The following SKA3 variants were observed in gnomAD, a reference collection of about 807,000 sequenced individuals.
SKA3 encodes the protein spindle and kinetochore associated complex subunit 3.
A neutral mutation model predicts 44.2 loss-of-function variants in SKA3; 39 were observed. The observed-to-expected ratio is 0.88, with a 90% CI of 0.68 to 1.15. The LOEUF (loss-of-function observed/expected upper bound fraction) is 1.15, where lower values mean the gene tolerates loss of function less well. SKA3 is among the 50% of genes most tolerant of loss of function. SKA3 has a pLI of 0.00. For missense variants in SKA3, 511 were observed against 485.8 expected (o/e 1.05, Z -0.49); for synonymous variants, 192 against 172.0 (o/e 1.12, Z -0.91).
chr13:21,172,280 T>A (rs951596889), intron 3 of SKA3, 59 bp downstream of exon 3: 1 of 1,001,470 alleles, frequency 1.0e-6, no homozygotes, highest in African/African-American at 1.7e-5. Context: ...GTTGTCTTAA[T>A]CATGCTGCCT....
intron 3 of SKA3, among the ~76,000 whole-genome samples, chr13:21,169,765 C>T (rs1368876387): frequency 6.6e-6 from 1 of 151,842 alleles, no homozygotes; most frequent in South Asian, 2.1e-4. Flanking sequence ...GCCTCCCAGG[C>T]AGCTGGTACT....
At chr13:21,160,525 A>G (rs1377398051) in intron 5 of SKA3, among the ~76,000 whole-genome samples, 1 of 151,882 alleles carries the variant, frequency 6.6e-6, no homozygotes, top group Non-Finnish European at 1.5e-5. Context: ...ACAAAGAGAA[A>G]AGGTAAATAT....
intron 5 of SKA3, 122 bp downstream of exon 5, chr13:21,161,668 C>A: frequency 1.7e-6 from 1 of 580,774 alleles, no homozygotes; most frequent in Non-Finnish European, 2.8e-6. Flanking sequence ...TTAATGTAAT[C>A]CAATGTTAGG....
chr13:21,171,576 A>G (rs913876695), intron 3 of SKA3, among the ~76,000 whole-genome samples: 1 of 152,076 alleles, frequency 6.6e-6, no homozygotes, highest in Non-Finnish European at 1.5e-5. Context: ...AAAAAAAAAA[A>G]AAGAAATGAA....
chr13:21,158,186 T>G, intron 6 of SKA3, 61 bp from the exon 7 acceptor site: 2 of 984,790 alleles, frequency 2.0e-6, no homozygotes, highest in Non-Finnish European at 2.8e-6. Context: ...TAAATAAAAA[T>G]AGTTAATCAT....
chr13:21,167,471 C>T (rs950509375), intron 4 of SKA3, among the ~76,000 whole-genome samples: 11 of 152,038 alleles, frequency 7.2e-5, no homozygotes, highest in Admixed American at 5.9e-4. Flanking sequence ...AACCTTACCA[C>T]TAAAGAACTT....
chr13:21,172,275 C>T (rs1329339568), intron 3 of SKA3, 64 bp downstream of exon 3: 4 of 958,302 alleles, frequency 4.2e-6, no homozygotes, highest in Non-Finnish European at 5.6e-6. Context: ...CTACAGTTGT[C>T]TTAATCATGC....
Position 21,155,107 on chromosome 13 carries a change from C to A in SKA3, c.*43G>T. The A allele has an allele frequency of 6.2e-7, 1 of 1,611,944 alleles. No homozygotes were observed. Among genetic ancestry groups the A allele is most frequent in the Non-Finnish European group, 8.5e-7 (1 of 1,178,792 alleles). ...AAAATCGGTCCAGCTCGGCTTTCAT[C>A]TCATTTTGTTCAGTTTCTGTGTTGG... On this transcript the variant is annotated 3_prime_UTR_variant, in exon 9 of 9. Coordinates refer to ENST00000314759, the MANE Select transcript of SKA3 (RefSeq NM_145061.6).
intron 3 of SKA3, among the ~76,000 whole-genome samples, chr13:21,171,017 C>T (rs756301513): frequency 2.6e-5 from 4 of 152,122 alleles, no homozygotes; most frequent in East Asian, 1.9e-4. Context: ...GCCTTGAACT[C>T]GTGGGCTTAA....
chr13:21,154,883 G>A lies in SKA3; in HGVS notation c.*267C>T, dbSNP rs1319440348. ...TTCCTGGTACTACTTAAACCATTCT[G>A]TTGATTAAGCTGGGTAATTTAGTAT... On this transcript the variant is annotated 3_prime_UTR_variant, in exon 9 of 9. Coordinates refer to ENST00000314759, the MANE Select transcript of SKA3 (RefSeq NM_145061.6). The A allele has an allele frequency of 2.6e-5, 15 of 573,924 alleles. No individual in the cohort carries two copies. Among genetic ancestry groups the A allele is most frequent in the African/African-American group, 3.9e-5 (2 of 51,672 alleles). The allele number at this position is 573,924 out of a possible 1,614,324, so 35.6% of individuals were successfully genotyped here.
Position 21,168,040 on chromosome 13 carries a change from A to G in SKA3, c.691T>C (p.Cys231Arg). The change falls in exon 4 of 9, where the codon TGT becomes CGT. Residue 231 changes from cysteine to arginine, a missense_variant. Physicochemically the swap from Cys to Arg is radical, Grantham distance 180. Coordinates refer to ENST00000314759, the MANE Select transcript of SKA3 (RefSeq NM_145061.6). ...EHFGISEYTM[C>R]LNEDYTMGLK... ...CCCATTGTGTAATCTTCATTTAAAC[A>G]CATAGTATATTCAGAGATACCAAAG... 6.2e-7 allele frequency: 1 copy of G among 1,610,090 alleles called. No individual in the cohort carries two copies. The highest frequency in any genetic ancestry group is 8.5e-7 in the Non-Finnish European group (1 of 1,178,576).
intron 7 of SKA3, among the ~76,000 whole-genome samples, 189 bp downstream of exon 7, chr13:21,157,733 G>GA (rs946461504): frequency 6.6e-6 from 1 of 152,098 alleles, no homozygotes; most frequent in Non-Finnish European, 1.5e-5. Flanking sequence ...GATCGACATG[G>GA]AAACCACAGT....
chr13:21,168,018 A>G lies in SKA3; in HGVS notation c.713T>C (p.Met238Thr), dbSNP rs1467296381. The G allele has an allele frequency of 1.4e-5, 22 of 1,597,412 alleles. No homozygotes were observed. The highest frequency in any genetic ancestry group is 3.5e-5 in the Admixed American group (2 of 56,724). ...ATTATTCCTCGCATTTTTAAGTCCC[A>G]TTGTGTAATCTTCATTTAAACACAT... ...YTMCLNEDYTMGLKNARNNKS... is the reference protein window; with the variant it reads ...YTMCLNEDYTTGLKNARNNKS... The change falls in exon 4 of 9, where the codon ATG (methionine) becomes ACG (threonine). Residue 238 changes from methionine to threonine, a missense_variant. Coordinates refer to ENST00000314759, the MANE Select transcript of SKA3 (RefSeq NM_145061.6).
At chr13:21,164,503 CAAT>C (rs1870602332) in intron 4 of SKA3, among the ~76,000 whole-genome samples, 1 of 152,214 alleles carries the variant, frequency 6.6e-6, no homozygotes, top group African/African-American at 2.4e-5. Flanking sequence ...ACATTCCTGA[CAAT>C]GATATATGAA....
chr13:21,170,005 G>A (rs1335242942), intron 3 of SKA3, among the ~76,000 whole-genome samples: 1 of 152,084 alleles, frequency 6.6e-6, no homozygotes, highest in Non-Finnish European at 1.5e-5. Flanking sequence ...CACAGAGTAT[G>A]ATATTATTTT....
At chr13:21,160,256 G>T (rs546277901) in intron 5 of SKA3, among the ~76,000 whole-genome samples, 1 of 152,252 alleles carries the variant, frequency 6.6e-6, no homozygotes, top group South Asian at 2.1e-4. Flanking sequence ...ATTAAAAATG[G>T]TGTAAAACCT....
At chr13:21,176,317 C>G (rs2137391095) in intron 1 of SKA3, 58 bp downstream of exon 1, 2 of 1,270,958 alleles carry the variant, frequency 1.6e-6, no homozygotes, top group South Asian at 1.7e-5. Flanking sequence ...CCACTCGCCA[C>G]GCCCCTCCGC....
intron 4 of SKA3, among the ~76,000 whole-genome samples, chr13:21,166,231 G>T (rs1445684214): frequency 6.6e-6 from 1 of 151,694 alleles, no homozygotes; most frequent in African/African-American, 2.4e-5. Context: ...TGGCCAGGCT[G>T]GTCTTGAACT....
At chr13:21,172,587 A>G (rs1186182955) in intron 2 of SKA3, 33 bp downstream of exon 2, 1 of 1,411,772 alleles carries the variant, frequency 7.1e-7, no homozygotes, top group Non-Finnish European at 9.3e-7. Context: ...CTCGCCACAG[A>G]AAAATAATAA....
Sources: allele counts gnomAD v4.1 joint callset (sites outside exome capture counted in the v4.1 genomes callset), GRCh38; gene constraint gnomAD v4.1.1; transcripts MANE v1.5; gene names NCBI Gene and HGNC (gene_info 2026-07-23, HGNC 2026-07-21).